The following CAMTA1 variants were observed in gnomAD, a reference collection of about 807,000 sequenced individuals.
CAMTA1 encodes the protein calmodulin binding transcription activator 1.
A neutral mutation model predicts 170.9 loss-of-function variants in CAMTA1; 27 were observed. The observed-to-expected ratio is 0.16, with a 90% confidence interval of 0.12 to 0.22. CAMTA1 has a LOEUF of 0.22. Ranked by LOEUF, CAMTA1 falls within the 10% of genes least tolerant of loss-of-function variation. CAMTA1 has a pLI of 1.00. For missense variants in CAMTA1, 1,619 were observed against 2,217.2 expected (o/e 0.73, Z 5.42); for synonymous variants, 833 against 891.5 (o/e 0.93, Z 1.17).
rs1166767129 is a variant in CAMTA1, at chr1:6,934,141, GC to G, written c.234+108934del. Among the ~76,000 whole-genome samples, 3 of 152,194 alleles carry G rather than the reference GC, an allele frequency of 2.0e-5. No homozygotes were observed. The highest frequency in any genetic ancestry group is 4.4e-5 in the Non-Finnish European group (3 of 68,036). ...CCATATGAGTGACTGAGGGGCCAGC[GC>G]CCGTGGTCGGCAGAAGGGGAGGTTA... On this transcript the variant is annotated intron_variant, in intron 3 of 22. Transcript: ENST00000303635. The surrounding 1 kb of genome is among the most constrained non-coding windows in gnomAD (Gnocchi z 4.5).
chr1:7,577,942 C>T (rs968537701), intron 6 of CAMTA1, among the ~76,000 whole-genome samples: 5 of 152,194 alleles, frequency 3.3e-5, no homozygotes, highest in South Asian at 2.1e-4. Context: ...TGAAGGTCAC[C>T]GTTATTTGCT....
chr1:7,665,015 G>A lies in CAMTA1; in HGVS notation c.2468G>A (p.Cys823Tyr). Residue 823 changes from cysteine (C) to tyrosine (Y), a missense_variant, in exon 9 of 23, where the codon TGC (cysteine) becomes TAC (tyrosine). Physicochemically the swap from Cys to Tyr is radical, Grantham distance 194 (BLOSUM62 -2). Coordinates refer to ENST00000303635, the MANE Select transcript of CAMTA1 (RefSeq NM_015215.4). The surrounding 1 kb of genome is among the most constrained non-coding windows in gnomAD (Gnocchi z 4.3). ...ACCCAGGCAGAGATGTGCCTCCCCT[G>A]CTGTAGCCCCCAGCAGGGTAGCCTG... The part of the protein sequence containing the change: ...PFTQAEMCLP[C>Y]CSPQQGSLQL... 3 of 1,597,140 alleles carry A rather than the reference G, an allele frequency of 1.9e-6. No individual in the cohort carries two copies. Among genetic ancestry groups the A allele is most frequent in the Non-Finnish European group, 2.6e-6 (3 of 1,171,082 alleles).
intron 9 of CAMTA1, among the ~76,000 whole-genome samples, chr1:7,668,585 G>A (rs2096025066): frequency 6.6e-6 from 1 of 151,726 alleles, no homozygotes; most frequent in African/African-American, 2.4e-5. Flanking sequence ...TCCCACCACT[G>A]ACACTCCTGC....
intron 4 of CAMTA1, among the ~76,000 whole-genome samples, chr1:7,211,135 G>C (rs2149069553): frequency 6.6e-6 from 1 of 152,280 alleles, no homozygotes; most frequent in African/African-American, 2.4e-5. Context: ...TGCATCTTGT[G>C]TTTAAATTGC....
chr1:7,339,935 C>T (rs1250774232), intron 5 of CAMTA1, among the ~76,000 whole-genome samples: 1 of 152,124 alleles, frequency 6.6e-6, no homozygotes, highest in Non-Finnish European at 1.5e-5. Flanking sequence ...GATTTTCTAT[C>T]TTGTCTCCAG....
intron 22 of CAMTA1, among the ~76,000 whole-genome samples, chr1:7,756,280 A>G (rs2096931123): frequency 6.6e-6 from 1 of 152,168 alleles, no homozygotes; most frequent in Admixed American, 6.5e-5. Context: ...GACGTTCATT[A>G]TAAAATAGCG....
At chr1:7,306,651 A>G (rs1388920108) in intron 5 of CAMTA1, among the ~76,000 whole-genome samples, 3 of 151,956 alleles carry the variant, frequency 2.0e-5, no homozygotes, top group African/African-American at 7.2e-5. Flanking sequence ...TTGAATCAGT[A>G]TGTCTATAGT....
At chr1:7,756,915 A>C (rs917638381) in intron 22 of CAMTA1, among the ~76,000 whole-genome samples, 2 of 152,226 alleles carry the variant, frequency 1.3e-5, no homozygotes, top group Non-Finnish European at 1.5e-5. Context: ...AATTAATTTA[A>C]ATGAATTTAG....
At chr1:7,668,816 T>C (rs890680134) in intron 9 of CAMTA1, among the ~76,000 whole-genome samples, 1 of 152,168 alleles carries the variant, frequency 6.6e-6, no homozygotes, top group Non-Finnish European at 1.5e-5. Context: ...AGCTGTTGAT[T>C]GCGGTTATTA....
chr1:7,495,616 T>C (rs2093814104), intron 6 of CAMTA1, among the ~76,000 whole-genome samples: 1 of 152,188 alleles, frequency 6.6e-6, no homozygotes, highest in Admixed American at 6.5e-5. Flanking sequence ...GCAAAGCCTG[T>C]TAGCATCCCA....
intron 6 of CAMTA1, among the ~76,000 whole-genome samples, chr1:7,549,865 G>T (rs1304270011): frequency 1.3e-5 from 2 of 152,146 alleles, no homozygotes; most frequent in Non-Finnish European, 2.9e-5. Context: ...TGTGTGCCAA[G>T]CGCCCAGGCT....
intron 3 of CAMTA1, among the ~76,000 whole-genome samples, chr1:6,931,565 G>T (rs1684416681): frequency 6.6e-6 from 1 of 152,016 alleles, no homozygotes. Flanking sequence ...TTGATCTCTG[G>T]GTACCTCCAA....
intron 4 of CAMTA1, among the ~76,000 whole-genome samples, chr1:7,102,346 CAG>C (rs1445790564): frequency 6.6e-6 from 1 of 152,118 alleles, no homozygotes; most frequent in East Asian, 1.9e-4. Context: ...CTGCTGAGGA[CAG>C]GGGAGCTCAC....
At chr1:7,444,387 G>A (rs1010579103) in intron 5 of CAMTA1, among the ~76,000 whole-genome samples, 10 of 152,190 alleles carry the variant, frequency 6.6e-5, no homozygotes, top group African/African-American at 2.4e-4. Context: ...CCACGTGATG[G>A]GCTGGCACCA....
At chr1:7,506,581 A>ACACT (rs572839839) in intron 6 of CAMTA1, among the ~76,000 whole-genome samples, 48 of 152,202 alleles carry the variant, frequency 3.2e-4, no homozygotes, top group Non-Finnish European at 5.4e-4. Flanking sequence ...ATTCACACGC[A>ACACT]CACTCACACG....
chr1:7,438,201 G>A (rs2092407901), intron 5 of CAMTA1, among the ~76,000 whole-genome samples: 1 of 152,186 alleles, frequency 6.6e-6, no homozygotes. Flanking sequence ...CCACCTCCAG[G>A]CAGCTGGGCA....
chr1:7,390,067 C>T (rs1184053249), intron 5 of CAMTA1, among the ~76,000 whole-genome samples: 5 of 152,178 alleles, frequency 3.3e-5, no homozygotes, highest in Non-Finnish European at 5.9e-5. Flanking sequence ...GCTTCCCTGC[C>T]GGACGGCTCT....
At chr1:7,765,171 G>A (rs1246408382) in intron 22 of CAMTA1, among the ~76,000 whole-genome samples, 2 of 152,068 alleles carry the variant, frequency 1.3e-5, no homozygotes, top group Non-Finnish European at 2.9e-5. Context: ...CCATTTTTGG[G>A]AAACAAATGT....
intron 4 of CAMTA1, among the ~76,000 whole-genome samples, chr1:7,159,046 T>G (rs1647053689): frequency 1.3e-5 from 2 of 152,138 alleles, no homozygotes; most frequent in South Asian, 4.2e-4. Context: ...TTTCTATGTA[T>G]GAAGTGTTAC....
Sources: gnomAD v4.1 joint callset for allele counts (sites outside exome capture counted in the v4.1 genomes callset) on GRCh38, gnomAD v4.1.1 for gene constraint, Gnocchi (gnomAD v3.1) non-coding constraint, MANE v1.5 for transcripts, NCBI Gene and HGNC (gene_info 2026-07-23, HGNC 2026-07-21) for gene names.